The following TLN2 variants were observed in gnomAD, a reference collection of about 807,000 sequenced individuals.
TLN2 encodes the protein talin 2.
Under a neutral mutation model 294.7 loss-of-function variants are expected in TLN2, and 118 were observed. That is an observed-to-expected ratio of 0.40 (90% CI 0.34 to 0.47). The LOEUF is 0.47. TLN2 is among the 20% of genes least tolerant of loss of function. The pLI, the probability that TLN2 is intolerant of heterozygous loss-of-function variation, is 0.84. For missense variants in TLN2, 3,083 were observed against 3,282.2 expected, an observed-to-expected ratio of 0.94 and a Z score of 1.48; for synonymous variants, 1,431 against 1,304.5, an observed-to-expected ratio of 1.10 and a Z score of -2.09.
chr15:62,593,991 C>G (rs1476510095), intron 2 of TLN2, among the ~76,000 whole-genome samples: 1 of 152,066 alleles, frequency 6.6e-6, no homozygotes, highest in Non-Finnish European at 1.5e-5. Flanking sequence ...TAAGAAACAT[C>G]TGTATGAAAC....
intron 14 of TLN2, among the ~76,000 whole-genome samples, chr15:62,696,623 G>C (rs189302819): frequency 1.3e-5 from 2 of 152,142 alleles, no homozygotes; most frequent in Non-Finnish European, 2.9e-5. Flanking sequence ...CAGGAGAATC[G>C]CTTGAACCCA....
intron 2 of TLN2, among the ~76,000 whole-genome samples, chr15:62,591,493 G>T (rs143269811): frequency 1.3e-3 from 202 of 152,246 alleles, no homozygotes; most frequent in African/African-American, 4.7e-3. Flanking sequence ...GATTCTATTG[G>T]GAACCTTGAG....
intron 24 of TLN2, among the ~76,000 whole-genome samples, chr15:62,718,446 GCTT>G (rs1346659174): frequency 6.6e-6 from 1 of 152,192 alleles, no homozygotes; most frequent in Non-Finnish European, 1.5e-5. Flanking sequence ...AACCCTCTCT[GCTT>G]CTTCAAATCT....
At chr15:62,650,893 TC>T (rs1413737070) in intron 5 of TLN2, among the ~76,000 whole-genome samples, 3 of 152,102 alleles carry the variant, frequency 2.0e-5, no homozygotes, top group Admixed American at 1.3e-4. Context: ...CTTAAAAATA[TC>T]CCCCAAACAT....
chr15:62,667,198 C>G (rs1272786340), intron 9 of TLN2, among the ~76,000 whole-genome samples: 1 of 152,142 alleles, frequency 6.6e-6, no homozygotes, highest in Non-Finnish European at 1.5e-5. Flanking sequence ...GATCTCCTGA[C>G]CTAGTGATCC....
chr15:62,692,657 T>G (rs1311608744), intron 12 of TLN2, among the ~76,000 whole-genome samples, 183 bp from the exon 13 acceptor site: 1 of 152,208 alleles, frequency 6.6e-6, no homozygotes, highest in African/African-American at 2.4e-5. Flanking sequence ...TCTTCTCAGT[T>G]TTCAGAGCTC....
chr15:62,497,889 A>G (rs1471421301), intron 1 of TLN2, among the ~76,000 whole-genome samples: 2 of 151,928 alleles, frequency 1.3e-5, no homozygotes, highest in Non-Finnish European at 2.9e-5. Flanking sequence ...CCAAGCGTGG[A>G]CAGTTTTTGG....
At chr15:62,761,354 C>T (rs762511389) in intron 37 of TLN2, among the ~76,000 whole-genome samples, 6 of 152,094 alleles carry the variant, frequency 3.9e-5, no homozygotes, top group Non-Finnish European at 5.9e-5. Context: ...AAAGTAGTCC[C>T]GCTGCATAGT....
intron 1 of TLN2, among the ~76,000 whole-genome samples, chr15:62,391,845 C>T (rs1483379602): frequency 6.6e-6 from 1 of 152,256 alleles, no homozygotes; most frequent in Non-Finnish European, 1.5e-5. Context: ...GGGAACACGC[C>T]CCTCTTCCCC....
chr15:62,669,827 G>A (rs1485055270), intron 9 of TLN2, among the ~76,000 whole-genome samples: 2 of 152,168 alleles, frequency 1.3e-5, no homozygotes, highest in African/African-American at 2.4e-5. Flanking sequence ...ACCCACACAC[G>A]GCTGATTTAC....
intron 15 of TLN2, among the ~76,000 whole-genome samples, chr15:62,698,394 T>C (rs1005313919): frequency 6.6e-6 from 1 of 152,186 alleles, no homozygotes; most frequent in African/African-American, 2.4e-5. Flanking sequence ...TCAGGAAGCA[T>C]TCTCATTTAA....
chr15:62,685,112 A>ATT (rs1380091212), intron 11 of TLN2, among the ~76,000 whole-genome samples: 3 of 152,056 alleles, frequency 2.0e-5, no homozygotes, highest in Non-Finnish European at 2.9e-5. Flanking sequence ...AAAATAATAC[A>ATT]AAACACATGA....
At chr15:62,701,919 A>G in intron 17 of TLN2, 73 bp from the exon 18 acceptor site, 7 of 1,539,312 alleles carry the variant, frequency 4.5e-6, no homozygotes, top group Non-Finnish European at 6.2e-6. Flanking sequence ...AACTCCTGCC[A>G]GTGTGGGGTT....
intron 1 of TLN2, among the ~76,000 whole-genome samples, chr15:62,521,471 T>TG (rs74452209): frequency 0.16 from 23,761 of 152,068 alleles, 2,595 homozygotes; most frequent in East Asian, 0.57. Context: ...GGGAGACAGT[T>TG]GGGGGGCAAG....
intron 2 of TLN2, among the ~76,000 whole-genome samples, chr15:62,606,960 C>T (rs1461853638): frequency 5.3e-5 from 8 of 152,170 alleles, no homozygotes; most frequent in South Asian, 2.1e-4. Context: ...TCACCACCTC[C>T]GCCGCTGCCA....
chr15:62,695,703 G>A (rs758856551), intron 14 of TLN2, among the ~76,000 whole-genome samples: 2 of 152,180 alleles, frequency 1.3e-5, no homozygotes, highest in African/African-American at 2.4e-5. Flanking sequence ...CCACTAGTAC[G>A]CAAGTTGGAA....
rs546757132 is a variant in TLN2, at chr15:62,668,974, TG to T, written c.789-4852del. 9.7e-4 allele frequency among the ~76,000 whole-genome samples: 148 copies of T among 152,344 alleles called. 3 individuals are homozygous for T. The highest frequency in any genetic ancestry group is 6.8e-3 in the Middle Eastern group (2 of 294). The stretch of plus-strand genomic sequence containing the variant: ...TATTCTAACTTTGAACTTACACATT[TG>T]TTGCTACTGTTTTGATGTAGGGCCA... On this transcript the variant is annotated intron_variant, in intron 9 of 58. Coordinates refer to ENST00000636159, the MANE Select transcript of TLN2 (RefSeq NM_015059.3).
At chr15:62,768,304 A>T (rs974651128) in intron 41 of TLN2, among the ~76,000 whole-genome samples, 1 of 152,170 alleles carries the variant, frequency 6.6e-6, no homozygotes, top group East Asian at 1.9e-4. Context: ...TGGATTCCCT[A>T]GAGAATCTGT....
intron 1 of TLN2, among the ~76,000 whole-genome samples, chr15:62,395,225 GGGT>G (rs2032444753): frequency 6.8e-6 from 1 of 146,800 alleles, no homozygotes; most frequent in South Asian, 2.4e-4. Context: ...GCCAGGGCGG[GGGT>G]GGGGTAGAGG....
Sources: allele counts gnomAD v4.1 joint callset (sites outside exome capture counted in the v4.1 genomes callset), GRCh38; gene constraint gnomAD v4.1.1; transcripts MANE v1.5; gene names NCBI Gene and HGNC (gene_info 2026-07-23, HGNC 2026-07-21).